SYT2: variants seen among roughly 807,000 people sequenced by gnomAD.
The protein encoded by SYT2 is synaptotagmin-2.
In SYT2, 15 loss-of-function variants were observed where a neutral mutation model predicts 39.9. The observed-to-expected ratio is 0.38, with a 90% CI of 0.25 to 0.58. The LOEUF is 0.58. SYT2 is among the 20% of genes least tolerant of loss of function. The probability of loss-of-function intolerance (pLI) is 0.70; values close to 1 mark genes in which losing one functional copy is unlikely to be tolerated. For synonymous variants in SYT2, 181 were observed against 204.5 expected (o/e 0.89, Z 0.98); for missense variants, 389 against 530.3 (o/e 0.73, Z 2.62).
chr1:202,660,455 C>T (rs1692355631), intron 1 of SYT2, among the ~76,000 whole-genome samples: 1 of 152,122 alleles, frequency 6.6e-6, no homozygotes, highest in Non-Finnish European at 1.5e-5. Flanking sequence ...GAATCTCTTC[C>T]ACAGCAGCTT....
intron 1 of SYT2, among the ~76,000 whole-genome samples, chr1:202,667,359 G>C (rs1399034223): frequency 6.6e-6 from 1 of 152,132 alleles, no homozygotes; most frequent in African/African-American, 2.4e-5. Flanking sequence ...CTCCACCAAC[G>C]CCTGCCTGTG....
chr1:202,689,248 C>T (rs1465875886), intron 1 of SYT2, among the ~76,000 whole-genome samples: 1 of 152,186 alleles, frequency 6.6e-6, no homozygotes, highest in African/African-American at 2.4e-5. Context: ...AGCCCACCAC[C>T]TCACATGTGC....
intron 1 of SYT2, among the ~76,000 whole-genome samples, chr1:202,693,746 C>T (rs1446423420): frequency 6.6e-6 from 1 of 152,188 alleles, no homozygotes. Context: ...GTCCATTCCT[C>T]CTCTTGTTGC....
intron 1 of SYT2, among the ~76,000 whole-genome samples, chr1:202,665,163 G>A (rs963543768): frequency 1.5e-4 from 23 of 152,164 alleles, no homozygotes; most frequent in African/African-American, 5.6e-4. Flanking sequence ...TCCTAAGAGG[G>A]TAATGAACTG....
chr1:202,686,536 G>C (rs1653672445), intron 1 of SYT2, among the ~76,000 whole-genome samples: 1 of 152,114 alleles, frequency 6.6e-6, no homozygotes, highest in Non-Finnish European at 1.5e-5. Flanking sequence ...GAAAGAAGTG[G>C]CATGATAATG....
chr1:202,686,285 T>G (rs1226361465), intron 1 of SYT2, among the ~76,000 whole-genome samples: 1 of 152,148 alleles, frequency 6.6e-6, no homozygotes, highest in Admixed American at 6.5e-5. Flanking sequence ...TTCTTATAAA[T>G]TACCCAGCCG....
At chr1:202,618,023 C>T (rs1691094108) in intron 1 of SYT2, among the ~76,000 whole-genome samples, 1 of 152,146 alleles carries the variant, frequency 6.6e-6, no homozygotes, top group Non-Finnish European at 1.5e-5. Context: ...CTGCCTCAGT[C>T]TCCCAAGTAG....
chr1:202,677,616 T>A (rs574636394), intron 1 of SYT2, among the ~76,000 whole-genome samples: 1 of 152,214 alleles, frequency 6.6e-6, no homozygotes, highest in South Asian at 2.1e-4. Context: ...ACAGACACCA[T>A]GTGGAACAGA....
intron 1 of SYT2, among the ~76,000 whole-genome samples, chr1:202,698,439 C>T (rs954025832): frequency 1.3e-5 from 2 of 152,194 alleles, no homozygotes; most frequent in African/African-American, 4.8e-5. Flanking sequence ...AGAGCCTCCC[C>T]GCCCTCCGCT....
At chr1:202,648,465 A>G (rs1468358053) in intron 1 of SYT2, among the ~76,000 whole-genome samples, 2 of 152,236 alleles carry the variant, frequency 1.3e-5, no homozygotes, top group Non-Finnish European at 2.9e-5. Context: ...TACAGGTGTG[A>G]GCCTGTAATT....
chr1:202,618,685 C>T (rs757332255), intron 1 of SYT2, among the ~76,000 whole-genome samples: 7 of 152,212 alleles, frequency 4.6e-5, no homozygotes, highest in East Asian at 1.9e-4. Flanking sequence ...GGGTAGAGAC[C>T]GCATGTCCTT....
intron 1 of SYT2, among the ~76,000 whole-genome samples, chr1:202,678,313 A>T (rs1653434812): frequency 3.3e-5 from 5 of 151,934 alleles, no homozygotes; most frequent in Admixed American, 3.3e-4. Context: ...TAATAAAATA[A>T]AATGGATGCT....
intron 1 of SYT2, among the ~76,000 whole-genome samples, chr1:202,688,209 C>G (rs140210745): frequency 2.6e-3 from 393 of 152,350 alleles, no homozygotes; most frequent in Non-Finnish European, 4.7e-3. Context: ...CCTTTACTTT[C>G]TGAGTCTCAG....
intron 1 of SYT2, among the ~76,000 whole-genome samples, chr1:202,645,074 G>A (rs1489055731): frequency 1.3e-5 from 2 of 152,170 alleles, no homozygotes; most frequent in Non-Finnish European, 2.9e-5. Context: ...GTGTTCATGT[G>A]TGGGCTGGGG....
In SYT2 at chr1:202,605,459, C is replaced by G. The variant is rs1307212168; in HGVS notation, c.178+136G>C. On this transcript the variant is annotated intron_variant, in intron 2 of 8. Coordinates refer to ENST00000367268, the MANE Select transcript of SYT2 (RefSeq NM_177402.5). ...TCCCCCTCCCCGATTCCTGCAGGGG[C>G]TCTCCAAAAACCCAGCCTGAAATCT... The G allele has an allele frequency of 6.6e-6, 5 of 752,712 alleles. No individual in the cohort carries two copies. The East Asian group carries it at 8.1e-5, about 12-fold the overall frequency. 46.6% of individuals were successfully genotyped at this position (752,712 alleles called of 1,614,324 possible). A position where few individuals can be genotyped will look rare whatever the true frequency, so the allele number is the denominator to read the frequency against.
At chr1:202,672,770 G>A (rs12064288) in intron 1 of SYT2, among the ~76,000 whole-genome samples, 1 of 22,222 alleles carries the variant, frequency 4.5e-5, no homozygotes, top group African/African-American at 8.1e-5. Flanking sequence ...AATGAGAGAG[G>A]GAGGGAGGGA....
intron 1 of SYT2, among the ~76,000 whole-genome samples, chr1:202,666,626 T>C (rs1692486169): frequency 6.6e-6 from 1 of 152,196 alleles, no homozygotes; most frequent in Non-Finnish European, 1.5e-5. Flanking sequence ...CTGGGACCAA[T>C]GTGCTTACCA....
chr1:202,592,819 C>T lies in SYT2; in HGVS notation c.*3938G>A, dbSNP rs532053743. ...GGGAAAAGTCATAGGGTAGGGTTCC[C>T]AGACACAATGCAGGATGACCAGTTA... On this transcript the variant is annotated 3_prime_UTR_variant, in exon 9 of 9. Transcript: ENST00000367268. The T allele has an allele frequency of 6.6e-6, 1 of 152,298 alleles. No homozygotes were observed. The highest frequency in any genetic ancestry group is 2.1e-4 in the South Asian group (1 of 4,824). 9.4% of individuals were successfully genotyped at this position (152,298 alleles called of 1,614,324 possible).
At chr1:202,640,686 G>A (rs1691880587) in intron 1 of SYT2, among the ~76,000 whole-genome samples, 1 of 151,250 alleles carries the variant, frequency 6.6e-6, no homozygotes, top group Non-Finnish European at 1.5e-5. Flanking sequence ...AAGTCAGGCA[G>A]TCTCTCTGTT....
Sources: allele counts gnomAD v4.1 joint callset (sites outside exome capture counted in the v4.1 genomes callset), GRCh38; gene constraint gnomAD v4.1.1; transcripts MANE v1.5; gene names NCBI Gene and HGNC (gene_info 2026-07-23, HGNC 2026-07-21).